ASB15: variants seen among roughly 807,000 people sequenced by gnomAD.
ASB15 encodes the protein ankyrin repeat and SOCS box containing 15, also known as ankyrin repeat and SOCS box protein 15.
A neutral mutation model predicts 58.0 loss-of-function variants in ASB15; 54 were observed. The observed-to-expected ratio is 0.93, with a 90% CI of 0.75 to 1.17. ASB15 has a LOEUF of 1.17. Ranked by LOEUF, ASB15 falls within the 50% of genes most tolerant of loss-of-function variation. The pLI is 0.00. For synonymous variants in ASB15, 249 were observed against 262.4 expected (o/e 0.95, Z 0.50); for missense variants, 680 against 707.4 (o/e 0.96, Z 0.44).
intron 1 of ASB15, among the ~76,000 whole-genome samples, chr7:123,589,393 C>T (rs948421873): frequency 2.0e-5 from 3 of 151,342 alleles, no homozygotes; most frequent in South Asian, 2.1e-4. Flanking sequence ...CATAGGTATA[C>T]ATGTGCCATA....
At position 123,569,939 on chromosome 7, in the gene ASB15, A is replaced by T. The variant is rs572981335; in HGVS notation, c.-443+2851A>T. 3.3e-5 allele frequency among the ~76,000 whole-genome samples: 5 copies of T among 151,382 alleles called. No individual in the cohort carries two copies. In the South Asian group the frequency reaches 1.0e-3, roughly 32 times the overall value. Reference sequence around the variant, plus strand: ...AAGTTAGAAGCAAATAATGATTGTTATTATTATGTTTTTGACTAAGGAAAA... The same window carrying T: ...AAGTTAGAAGCAAATAATGATTGTTTTTATTATGTTTTTGACTAAGGAAAA... On this transcript the variant is annotated intron_variant, in intron 1 of 13. Transcript: ENST00000451558.
At chr7:123,621,865 T>G (rs751859635) in intron 7 of ASB15, among the ~76,000 whole-genome samples, 1 of 152,180 alleles carries the variant, frequency 6.6e-6, no homozygotes, top group Non-Finnish European at 1.5e-5. Flanking sequence ...CACCTTTCCC[T>G]AGTTGGATAG....
intron 1 of ASB15, among the ~76,000 whole-genome samples, chr7:123,593,595 A>C (rs1455895748): frequency 3.3e-5 from 5 of 152,170 alleles, no homozygotes; most frequent in Non-Finnish European, 4.4e-5. Flanking sequence ...AGAATGTTGA[A>C]TACTTGGCCC....
intron 2 of ASB15, among the ~76,000 whole-genome samples, chr7:123,604,596 G>T (rs1392754972): frequency 1.3e-5 from 2 of 148,820 alleles, no homozygotes; most frequent in Admixed American, 1.3e-4. Flanking sequence ...AAAAAAAAAT[G>T]CTGGCTAAAG....
intron 1 of ASB15, among the ~76,000 whole-genome samples, chr7:123,569,024 T>C (rs1426219649): frequency 1.3e-5 from 2 of 152,314 alleles, no homozygotes; most frequent in Middle Eastern, 3.4e-3. Flanking sequence ...ATATGAATGT[T>C]TTTTAAAAAC....
At chr7:123,604,820 T>G (rs1195813815) in intron 2 of ASB15, among the ~76,000 whole-genome samples, 1 of 152,088 alleles carries the variant, frequency 6.6e-6, no homozygotes, top group Non-Finnish European at 1.5e-5. Context: ...GGAATAGAAC[T>G]AAAACTTTCA....
chr7:123,624,989 A>G, intron 8 of ASB15, 175 bp downstream of exon 8: 1 of 715,816 alleles, frequency 1.4e-6, no homozygotes, highest in Non-Finnish European at 2.2e-6. Context: ...TTATTCTACA[A>G]CTCAGCTAAG....
chr7:123,580,859 T>TA (rs903604118), intron 1 of ASB15, among the ~76,000 whole-genome samples: 4 of 151,830 alleles, frequency 2.6e-5, no homozygotes, highest in African/African-American at 7.3e-5. Flanking sequence ...CGCAAACCAC[T>TA]AAAAAAACGC....
chr7:123,574,645 A>G (rs1255996643), intron 1 of ASB15, among the ~76,000 whole-genome samples: 1 of 152,142 alleles, frequency 6.6e-6, no homozygotes, highest in East Asian at 1.9e-4. Context: ...GAGGCCCTCT[A>G]ACATTGAACC....
In ASB15 at chr7:123,569,832, T is replaced by C. The variant is rs1798857913; in HGVS notation, c.-443+2744T>C. 2.0e-5 allele frequency among the ~76,000 whole-genome samples: 3 copies of C among 152,270 alleles called. No homozygotes were observed. The South Asian group carries it at 6.2e-4, about 32-fold the overall frequency. ...AGCCCGTTAAGTATAACTAATTTCT[T>C]TGGCAAGTTACAAAAAAGAGGAAGC... On this transcript the variant is annotated intron_variant, in intron 1 of 13. Coordinates refer to the ASB15 transcript ENST00000451558.
chr7:123,612,691 GA>G (rs1325441711), intron 3 of ASB15, among the ~76,000 whole-genome samples: 1 of 151,460 alleles, frequency 6.6e-6, no homozygotes, highest in Non-Finnish European at 1.5e-5. Context: ...TGTTTAGTTG[GA>G]AAAAAAAGAA....
At chr7:123,572,652 A>AC (rs1798944241) in intron 1 of ASB15, among the ~76,000 whole-genome samples, 2 of 146,506 alleles carry the variant, frequency 1.4e-5, no homozygotes, top group African/African-American at 2.5e-5. Context: ...TGATATTATT[A>AC]CCCCACGGTT....
chr7:123,582,117 G>A (rs971673723), intron 1 of ASB15, among the ~76,000 whole-genome samples: 11 of 151,962 alleles, frequency 7.2e-5, no homozygotes, highest in African/African-American at 2.4e-4. Context: ...AATTGCTCAA[G>A]CTGATCATGA....
At chr7:123,599,430 G>A (rs1378874729), upstream of ASB15, among the ~76,000 whole-genome samples, 5 of 152,184 alleles carry the variant, frequency 3.3e-5, no homozygotes, top group African/African-American at 7.2e-5. Context: ...GCATTGTAGA[G>A]GGTAGATGGG....
upstream of ASB15, among the ~76,000 whole-genome samples, chr7:123,596,824 A>T (rs899442380): frequency 8.9e-4 from 135 of 152,348 alleles, no homozygotes; most frequent in Non-Finnish European, 5.9e-5. Context: ...ACATGAAAAG[A>T]TCAATTATTT....
intron 8 of ASB15, 32 bp from the exon 9 acceptor site, chr7:123,627,078 A>G: frequency 6.3e-7 from 1 of 1,594,564 alleles, no homozygotes; most frequent in Admixed American, 1.7e-5. Context: ...AATACCATCC[A>G]GTTATCATTA....
intron 8 of ASB15, among the ~76,000 whole-genome samples, chr7:123,626,040 G>A (rs6945841): frequency 0.74 from 112,623 of 152,022 alleles, 42,052 homozygotes; most frequent in South Asian, 0.82. Flanking sequence ...CTTAATGTCA[G>A]TGTCACTGGA....
chr7:123,597,649 T>C (rs71574753), upstream of ASB15, among the ~76,000 whole-genome samples: 24,252 of 151,888 alleles, frequency 0.16, 2,085 homozygotes, highest in South Asian at 0.22. Context: ...TTGGCCAACA[T>C]GGTGAAACCC....
At chr7:123,613,182 G>A (rs915677039) in intron 3 of ASB15, among the ~76,000 whole-genome samples, 4 of 152,124 alleles carry the variant, frequency 2.6e-5, no homozygotes, top group Admixed American at 2.0e-4. Context: ...ACAGGTTAGA[G>A]ACCTTGGATG....
Sources: gnomAD v4.1 joint callset for allele counts (sites outside exome capture counted in the v4.1 genomes callset) on GRCh38, gnomAD v4.1.1 for gene constraint, MANE v1.5 for transcripts, NCBI Gene and HGNC (gene_info 2026-07-23, HGNC 2026-07-21) for gene names.